The following NT5DC1 variants were observed in gnomAD, a reference collection of about 807,000 sequenced individuals.
NT5DC1 encodes 5'-nucleotidase domain containing 1, also known as 5'-nucleotidase domain-containing protein 1.
NT5DC1 carries 42 observed loss-of-function variants against 59.4 expected under a neutral mutation model. That is an observed-to-expected ratio of 0.71 (90% CI 0.55 to 0.92). NT5DC1 has a LOEUF of 0.92. Among genes scored for constraint, NT5DC1 ranks in the 40% least tolerant of loss-of-function variants. The pLI, the probability that NT5DC1 is intolerant of heterozygous loss-of-function variation, is 0.00. For missense variants in NT5DC1, 501 were observed against 537.1 expected, an observed-to-expected ratio of 0.93 and a Z score of 0.66; for synonymous variants, 172 against 188.1, an observed-to-expected ratio of 0.91 and a Z score of 0.70.
chr6:116,212,947 A>G (rs950263946), intron 6 of NT5DC1, among the ~76,000 whole-genome samples: 8 of 152,112 alleles, frequency 5.3e-5, no homozygotes, highest in Non-Finnish European at 8.8e-5. Flanking sequence ...GAAACCTTTG[A>G]GTTATTTTTT....
At chr6:116,216,863 T>C (rs1247934688) in intron 6 of NT5DC1, among the ~76,000 whole-genome samples, 1 of 152,208 alleles carries the variant, frequency 6.6e-6, no homozygotes, top group Non-Finnish European at 1.5e-5. Flanking sequence ...TTTAAACAGT[T>C]CATCGCTAGG....
chr6:116,234,154 GTTTCACCA>G (rs1367197958), intron 8 of NT5DC1, among the ~76,000 whole-genome samples: 2 of 151,710 alleles, frequency 1.3e-5, no homozygotes, highest in Non-Finnish European at 2.9e-5. Context: ...TAGGCACAGG[GTTTCACCA>G]TTCTGGCCAG....
chr6:116,133,893 A>G (rs1289417271), intron 6 of NT5DC1, among the ~76,000 whole-genome samples: 1 of 152,214 alleles, frequency 6.6e-6, no homozygotes, highest in Non-Finnish European at 1.5e-5. Context: ...TAAAATGTAT[A>G]TACTATAGAG....
At chr6:116,204,040 G>C (rs890328916) in intron 6 of NT5DC1, among the ~76,000 whole-genome samples, 1 of 151,782 alleles carries the variant, frequency 6.6e-6, no homozygotes, top group African/African-American at 2.4e-5. Flanking sequence ...ACCCTCGAAG[G>C]CTGTGGCCTC....
rs116412175 is a variant in NT5DC1 at position 116,122,922 on chromosome 6, G to C, written c.529+4977G>C. On this transcript the variant is annotated intron_variant, in intron 6 of 11. Transcript: ENST00000319550. ...TTTCAGAAAATGACATCAGGAAAAAGACTGTGAGAAAAATTTATGTAAAAG... is the reference window on the plus strand; with the variant it reads ...TTTCAGAAAATGACATCAGGAAAAACACTGTGAGAAAAATTTATGTAAAAG... 8.1e-3 allele frequency among the ~76,000 whole-genome samples: 1,239 copies of C among 152,202 alleles called. 21 individuals carry two copies. The highest frequency in any genetic ancestry group is 0.028 in the African/African-American group (1,174 of 41,538).
chr6:116,131,201 C>A (rs1334872043), intron 6 of NT5DC1, among the ~76,000 whole-genome samples: 2 of 152,132 alleles, frequency 1.3e-5, no homozygotes, highest in East Asian at 1.9e-4. Flanking sequence ...TCACAAAATA[C>A]CTGAACATTC....
intron 8 of NT5DC1, among the ~76,000 whole-genome samples, chr6:116,229,570 A>G (rs1781974032): frequency 6.6e-6 from 1 of 152,170 alleles, no homozygotes; most frequent in South Asian, 2.1e-4. Flanking sequence ...GCGTCTTCCA[A>G]GCAAAATCTT....
intron 8 of NT5DC1, among the ~76,000 whole-genome samples, chr6:116,225,007 G>A (rs573999482): frequency 1.3e-5 from 2 of 152,274 alleles, no homozygotes; most frequent in African/African-American, 4.8e-5. Flanking sequence ...AACACAGAGG[G>A]CTCGGTGATA....
intron 6 of NT5DC1, among the ~76,000 whole-genome samples, chr6:116,163,693 T>G (rs1780398868): frequency 6.6e-6 from 1 of 152,176 alleles, no homozygotes; most frequent in South Asian, 2.1e-4. Flanking sequence ...TTCTAGTTTG[T>G]TAGGTACATC....
At chr6:116,232,397 A>T (rs965460625) in intron 8 of NT5DC1, among the ~76,000 whole-genome samples, 4 of 152,120 alleles carry the variant, frequency 2.6e-5, no homozygotes, top group African/African-American at 9.7e-5. Context: ...GTGTAAAAAC[A>T]TGGAGGAAAA....
chr6:116,123,863 C>T (rs759951092), intron 6 of NT5DC1, among the ~76,000 whole-genome samples: 8 of 152,138 alleles, frequency 5.3e-5, no homozygotes, highest in Non-Finnish European at 8.8e-5. Flanking sequence ...GTATTTTTAA[C>T]CTTCTAAAAT....
chr6:116,162,321 G>A lies in NT5DC1; in HGVS notation c.529+44376G>A, dbSNP rs971479949. On this transcript the variant is annotated intron_variant, in intron 6 of 11. Coordinates refer to ENST00000319550, the MANE Select transcript of NT5DC1 (RefSeq NM_152729.3). ...AGAACTTCCATTACTATGTTGAATAGGAGTGGTGAAAGTGCACATCCTTGT... is the reference window on the plus strand; with the variant it reads ...AGAACTTCCATTACTATGTTGAATAAGAGTGGTGAAAGTGCACATCCTTGT... Among the ~76,000 whole-genome samples the A allele has an allele frequency of 3.9e-5, 6 of 152,298 alleles. No individual in the cohort carries two copies. In the East Asian group the frequency reaches 9.7e-4, roughly 25 times the overall value.
At position 116,237,020 on chromosome 6, in the gene NT5DC1, C is replaced by G. The variant is rs1038121648; in HGVS notation, c.857C>G (p.Ser286Cys). The G allele has an allele frequency of 1.9e-6, 3 of 1,613,234 alleles. No individual in the cohort carries two copies. In the East Asian group the frequency reaches 6.7e-5, roughly 36 times the overall value. The change falls in exon 9 of 12, where the codon TCC becomes TGC. Residue 286 changes from serine to cysteine, a missense_variant. By Grantham distance (112) the Ser-to-Cys change is moderately radical (BLOSUM62 -1). Transcript: ENST00000319550. ...TCTCTGGATAAACCTGGCTGGTACT[C>G]CCAAGGGAACGCTGTCCACCTCTAT... ...LPSLDKPGWY[S>C]QGNAVHLYEL...
intron 3 of NT5DC1, among the ~76,000 whole-genome samples, chr6:116,108,699 A>G (rs1486091582): frequency 6.6e-6 from 1 of 152,214 alleles, no homozygotes; most frequent in Non-Finnish European, 1.5e-5. Flanking sequence ...ATAACCTGCT[A>G]CGTCTCATTG....
chr6:116,240,376 A>T (rs1771683497), intron 11 of NT5DC1, among the ~76,000 whole-genome samples: 4 of 152,262 alleles, frequency 2.6e-5, no homozygotes, highest in African/African-American at 9.6e-5. Flanking sequence ...CATAGCATTT[A>T]CATTGTATTG....
intron 6 of NT5DC1, among the ~76,000 whole-genome samples, chr6:116,185,030 T>C (rs1780965755): frequency 1.3e-5 from 2 of 152,184 alleles, no homozygotes; most frequent in Middle Eastern, 3.4e-3. Context: ...GCACTGCCTT[T>C]GCTGTATTCT....
chr6:116,236,664 T>C (rs372083871), intron 8 of NT5DC1, among the ~76,000 whole-genome samples: 4 of 152,064 alleles, frequency 2.6e-5, no homozygotes, highest in Admixed American at 1.3e-4. Flanking sequence ...GGGCATGATG[T>C]CAAGCAGAGG....
chr6:116,185,920 T>C (rs1383053371), intron 6 of NT5DC1, among the ~76,000 whole-genome samples: 2 of 152,112 alleles, frequency 1.3e-5, no homozygotes, highest in Non-Finnish European at 1.5e-5. Context: ...AGTTGTTTCC[T>C]GAAAACCTTG....
Position 116,238,194 on chromosome 6 carries a change from A to G in NT5DC1, c.929A>G (p.Tyr310Cys), listed in dbSNP as rs1185838675. ...MTGKPEPKVV[Y>C]FGDSMHSDIF... ...CTGCTATCTGTCTTACAGGTTGTTT[A>G]TTTTGGTGACAGCATGCATTCAGAT... Residue 310 changes from tyrosine (Y) to cysteine (C), a missense_variant, in exon 10 of 12, where the codon TAT becomes TGT. By Grantham distance (194) the Tyr-to-Cys change is radical. Transcript: ENST00000319550. 1 of 1,608,574 alleles carries G rather than the reference A, an allele frequency of 6.2e-7. No homozygotes were observed. Among genetic ancestry groups the G allele is most frequent in the East Asian group, 2.2e-5 (1 of 44,612 alleles).
Sources: gnomAD v4.1 joint callset for allele counts (sites outside exome capture counted in the v4.1 genomes callset) on GRCh38, gnomAD v4.1.1 for gene constraint, MANE v1.5 for transcripts, NCBI Gene and HGNC (gene_info 2026-07-23, HGNC 2026-07-21) for gene names.